The following CENATAC variants were observed in gnomAD, a reference collection of about 807,000 sequenced individuals.
The protein encoded by CENATAC is coiled-coil domain containing 84.
CENATAC carries 53 observed loss-of-function variants against 53.7 expected under a neutral mutation model. The ratio of observed to expected loss-of-function variants is 0.99; its 90% CI spans 0.79 to 1.24. The LOEUF (loss-of-function observed/expected upper bound fraction) is 1.24. Among genes scored for constraint, CENATAC ranks in the 50% most tolerant of loss-of-function variants. The probability of loss-of-function intolerance (pLI) is 0.00; values close to 1 mark genes in which losing one functional copy is unlikely to be tolerated. For synonymous variants in CENATAC, 156 were observed against 144.6 expected (o/e 1.08, Z -0.57); for missense variants, 474 against 417.8 (o/e 1.13, Z -1.17).
chr11:119,003,560 A>G (rs1189466337), intron 3 of CENATAC: 1 of 307,306 alleles, frequency 3.3e-6, no homozygotes, highest in African/African-American at 2.2e-5. Context: ...GGCTTCCCAA[A>G]GTGCTGGGAT....
chr11:119,007,604 C>T (rs939743045), intron 3 of CENATAC, among the ~76,000 whole-genome samples: 4 of 152,092 alleles, frequency 2.6e-5, no homozygotes, highest in African/African-American at 9.7e-5. Context: ...ATCCTCCCAC[C>T]CCAGCCTTCC....
intron 3 of CENATAC, 81 bp from the exon 4 acceptor site, chr11:119,010,683 T>TA (rs1293021202): frequency 6.3e-6 from 8 of 1,266,668 alleles, no homozygotes; most frequent in East Asian, 4.6e-5. Flanking sequence ...TTCTCAAAAT[T>TA]AAAAAAATAT....
At chr11:118,998,663 T>C in intron 2 of CENATAC, 70 bp downstream of exon 2, 1 of 1,493,578 alleles carries the variant, frequency 6.7e-7, no homozygotes. Flanking sequence ...TTGGGGTGGG[T>C]GAGAAAAAGG....
intron 7 of CENATAC, 99 bp from the exon 8 acceptor site, chr11:119,013,133 A>G (rs1470163054): frequency 1.2e-6 from 1 of 862,000 alleles, no homozygotes; most frequent in Non-Finnish European, 1.9e-6. Flanking sequence ...AGTCACACCC[A>G]CCTCTTTTAA....
chr11:119,010,635 A>T, intron 3 of CENATAC, 129 bp from the exon 4 acceptor site: 1 of 754,048 alleles, frequency 1.3e-6, no homozygotes. Flanking sequence ...AGAGGTACAT[A>T]GGTGCTTACT....
intron 3 of CENATAC, among the ~76,000 whole-genome samples, chr11:119,008,759 C>A (rs1386385928): frequency 6.6e-6 from 1 of 152,174 alleles, no homozygotes; most frequent in Non-Finnish European, 1.5e-5. Context: ...TGGAGAGAAA[C>A]CTTGGACAAT....
At chr11:118,998,655 G>C in intron 2 of CENATAC, 62 bp downstream of exon 2, 1 of 1,512,324 alleles carries the variant, frequency 6.6e-7, no homozygotes, top group Non-Finnish European at 8.9e-7. Flanking sequence ...AGGAGGGTTT[G>C]GGGTGGGTGA....
intron 3 of CENATAC, chr11:119,009,616 C>T (rs1025736345): frequency 1.3e-5 from 2 of 152,190 alleles, no homozygotes; most frequent in Non-Finnish European, 2.9e-5. Flanking sequence ...CTTCCACCCT[C>T]GTGTTCCAGG....
At chr11:119,006,751 G>T (rs1165791147) in intron 3 of CENATAC, among the ~76,000 whole-genome samples, 1 of 152,190 alleles carries the variant, frequency 6.6e-6, no homozygotes, top group African/African-American at 2.4e-5. Context: ...AAATTTTTTT[G>T]ACTGTAGCTC....
chr11:119,006,195 T>C (rs570372993), intron 3 of CENATAC, among the ~76,000 whole-genome samples: 124 of 148,416 alleles, frequency 8.4e-4, no homozygotes, highest in African/African-American at 3.0e-3. Context: ...CAAGCGATTC[T>C]CTTGAGTAGC....
At chr11:119,002,752 C>T (rs907103408) in intron 3 of CENATAC, among the ~76,000 whole-genome samples, 1 of 150,860 alleles carries the variant, frequency 6.6e-6, no homozygotes, top group Non-Finnish European at 1.5e-5. Context: ...AGATTTCTCC[C>T]ATGCGAAATT....
Position 118,999,014 on chromosome 11 carries a change from A to G in CENATAC, c.288A>G (p.Pro96=). 5 of 1,612,786 alleles carry G rather than the reference A, an allele frequency of 3.1e-6. No homozygotes were observed. Among genetic ancestry groups the G allele is most frequent in the Non-Finnish European group, 4.2e-6 (5 of 1,178,800 alleles). ...YGGLLEHLAS[P]EHKKATNKFW... The stretch of plus-strand genomic sequence containing the variant: ...TACTTATCCTCTCCATTTTCAGCCC[A>G]GAGCACAAGAAAGCAACCAACAAAT... The change falls in exon 3 of 11, where the codon CCA becomes CCG. Residue 96 remains proline (P), a synonymous_variant. Transcript: ENST00000334418.
chr11:119,014,006 A>G (rs188430815), intron 8 of CENATAC: 19 of 152,354 alleles, frequency 1.2e-4, no homozygotes, highest in African/African-American at 4.3e-4. Flanking sequence ...CAGTGTAGAA[A>G]AACCAAACCT....
chr11:118,998,860 C>T, intron 2 of CENATAC, 151 bp from the exon 3 acceptor site: 4 of 701,236 alleles, frequency 5.7e-6, no homozygotes, highest in South Asian at 5.7e-5. Context: ...AGAAGAGACA[C>T]GAGATCTTGA....
chr11:119,012,321 A>T, intron 7 of CENATAC, 67 bp downstream of exon 7: 6 of 1,554,286 alleles, frequency 3.9e-6, no homozygotes, highest in East Asian at 4.6e-5. Context: ...CTTTCTCCTG[A>T]TTTTCTACCT....
In CENATAC at chr11:118,998,218, C is replaced by T. The variant is rs782630034; in HGVS notation, c.21C>T (p.Cys7=). Residue 7 remains cysteine (C), a synonymous_variant, in exon 1 of 11, where the codon TGC becomes TGT. Coordinates refer to ENST00000334418, the MANE Select transcript of CENATAC (RefSeq NM_198489.3). The stretch of plus-strand genomic sequence containing the variant: ...GGGCTATGGCGCCGGCGCAGCGCTG[C>T]CCTCTGTGCCGCCAGACCTTCTTCT... MAPAQR[C]PLCRQTFFCG... is the part of the protein sequence containing the mutation. 1.9e-6 allele frequency: 3 copies of T among 1,582,518 alleles called. No individual in the cohort carries two copies. Among genetic ancestry groups the T allele is most frequent in the East Asian group, 2.3e-5 (1 of 43,200 alleles).
chr11:119,003,472 A>G (rs1430758775), intron 3 of CENATAC: 2 of 445,078 alleles, frequency 4.5e-6, no homozygotes, highest in Admixed American at 2.7e-5. Flanking sequence ...TGATTTTTGT[A>G]TTTTTCGTAG....
chr11:119,009,149 A>T (rs1942749423), intron 3 of CENATAC, among the ~76,000 whole-genome samples: 1 of 151,992 alleles, frequency 6.6e-6, no homozygotes, highest in South Asian at 2.1e-4. Context: ...ATTATTTTTG[A>T]GACAGAGTCT....
At chr11:119,002,943 GC>G (rs1942385657) in intron 3 of CENATAC, 24 of 419,774 alleles carry the variant, frequency 5.7e-5, no homozygotes, top group South Asian at 4.4e-4. Context: ...GCGCCACCAT[GC>G]CTTGATAATT....
Sources: allele counts gnomAD v4.1 joint callset (sites outside exome capture counted in the v4.1 genomes callset), GRCh38; gene constraint gnomAD v4.1.1; transcripts MANE v1.5; gene names NCBI Gene and HGNC (gene_info 2026-07-23, HGNC 2026-07-21).